KCNK10: variants seen among roughly 807,000 people sequenced by gnomAD.
KCNK10 encodes potassium channel subfamily K member 10.
In KCNK10, 25 loss-of-function variants were observed where a neutral mutation model predicts 47.7. That is an observed-to-expected ratio of 0.52 (90% confidence interval 0.38 to 0.73). The LOEUF (loss-of-function observed/expected upper bound fraction) is 0.73, where lower values mean the gene tolerates loss of function less well. KCNK10 is among the 30% of genes least tolerant of loss of function. The pLI, the probability that KCNK10 is intolerant of heterozygous loss-of-function variation, is 0.00. For synonymous variants in KCNK10, 303 were observed against 285.6 expected (o/e 1.06, Z -0.61); for missense variants, 563 against 714.5 (o/e 0.79, Z 2.42).
intron 1 of KCNK10, among the ~76,000 whole-genome samples, chr14:88,308,023 C>T (rs1888237238): frequency 6.6e-6 from 1 of 152,102 alleles, no homozygotes; most frequent in Non-Finnish European, 1.5e-5. Flanking sequence ...TAAGTTAGTG[C>T]CTAAGTTCGG....
At chr14:88,215,197 C>G (rs1885579529) in intron 4 of KCNK10, among the ~76,000 whole-genome samples, 1 of 152,174 alleles carries the variant, frequency 6.6e-6, no homozygotes, top group Admixed American at 6.5e-5. Context: ...CTCTATTAGT[C>G]CATTCTCACA....
At chr14:88,326,594 G>T, upstream of KCNK10, 1 of 674,256 alleles carries the variant, frequency 1.5e-6, no homozygotes, top group South Asian at 1.8e-5. Context: ...ACATCGTGGC[G>T]CAAAGTCTCC....
chr14:88,310,205 G>GATATACCATATCATATAGTATATC (rs1888292389), intron 1 of KCNK10, among the ~76,000 whole-genome samples: 1 of 42,340 alleles, frequency 2.4e-5, no homozygotes, highest in Non-Finnish European at 6.1e-5. Context: ...TATGGTATAT[G>GATATACCATATCATATAGTATATC]ATATACCATA....
intron 5 of KCNK10, among the ~76,000 whole-genome samples, chr14:88,190,632 T>C (rs1884713668): frequency 6.6e-6 from 1 of 152,008 alleles, no homozygotes; most frequent in East Asian, 1.9e-4. Flanking sequence ...AATTTTTAGT[T>C]AAAAGCTAAA....
chr14:88,196,961 A>G (rs774980179), intron 4 of KCNK10, among the ~76,000 whole-genome samples: 1 of 152,170 alleles, frequency 6.6e-6, no homozygotes, highest in Non-Finnish European at 1.5e-5. Flanking sequence ...GCTTTTAAAC[A>G]CTCTCTGCCT....
At chr14:88,277,690 A>C (rs1378638468) in intron 1 of KCNK10, among the ~76,000 whole-genome samples, 1 of 152,210 alleles carries the variant, frequency 6.6e-6, no homozygotes, top group Admixed American at 6.5e-5. Context: ...TCTTCCCAGT[A>C]ACACCTAGGT....
chr14:88,298,104 T>C (rs1456954226), intron 1 of KCNK10, among the ~76,000 whole-genome samples: 1 of 152,218 alleles, frequency 6.6e-6, no homozygotes, highest in Non-Finnish European at 1.5e-5. Context: ...GGCATGTAAG[T>C]ATCCCAAAAT....
chr14:88,200,114 C>G (rs1204634284), intron 4 of KCNK10, among the ~76,000 whole-genome samples: 1 of 140,536 alleles, frequency 7.1e-6, no homozygotes, highest in African/African-American at 2.7e-5. Flanking sequence ...TCTTTCTTTC[C>G]ATATTTATCT....
At chr14:88,301,342 T>C (rs1235940042) in intron 1 of KCNK10, among the ~76,000 whole-genome samples, 2 of 152,196 alleles carry the variant, frequency 1.3e-5, no homozygotes, top group Non-Finnish European at 2.9e-5. Context: ...TAAGTTCCCC[T>C]TCTTAAAACT....
intron 1 of KCNK10, among the ~76,000 whole-genome samples, chr14:88,285,655 A>G (rs1346143692): frequency 2.0e-5 from 3 of 152,192 alleles, no homozygotes; most frequent in African/African-American, 7.2e-5. Flanking sequence ...TTTTAATACA[A>G]CTTAGGTTAA....
At position 88,181,829 on chromosome 14, in the gene KCNK10, G is replaced by A. The variant is rs975875073; in HGVS notation, c.*3706C>T. The A allele has an allele frequency of 2.0e-5, 3 of 152,226 alleles. No individual in the cohort carries two copies. The highest frequency in any genetic ancestry group is 7.2e-5 in the African/African-American group (3 of 41,406). The allele number at this position is 152,226 out of a possible 1,614,324, so 9.4% of individuals were successfully genotyped here. On this transcript the variant is annotated 3_prime_UTR_variant, in exon 7 of 7. Coordinates refer to ENST00000319231, the MANE Select transcript of KCNK10 (RefSeq NM_138317.3). ...ATAAATTTTGTGAACTCATGGACTA[G>A]GGAGTGTTTCATTAGAGAACTGCAC...
intron 4 of KCNK10, among the ~76,000 whole-genome samples, chr14:88,208,806 A>G (rs1885364817): frequency 6.6e-6 from 1 of 152,206 alleles, no homozygotes; most frequent in African/African-American, 2.4e-5. Flanking sequence ...AATAGTTTAG[A>G]ATGAGAAGGG....
chr14:88,202,107 C>A (rs112729284), intron 4 of KCNK10, among the ~76,000 whole-genome samples: 4 of 152,258 alleles, frequency 2.6e-5, no homozygotes, highest in African/African-American at 9.6e-5. Context: ...AATCTAAAAG[C>A]AACAAAAGAA....
chr14:88,230,380 G>A (rs1286978544), intron 3 of KCNK10, among the ~76,000 whole-genome samples: 2 of 152,158 alleles, frequency 1.3e-5, no homozygotes, highest in South Asian at 2.1e-4. Flanking sequence ...TGTAATGAAC[G>A]CACAGCACCA....
At chr14:88,273,724 A>C (rs1211753505) in intron 1 of KCNK10, among the ~76,000 whole-genome samples, 1 of 152,172 alleles carries the variant, frequency 6.6e-6, no homozygotes, top group Non-Finnish European at 1.5e-5. Context: ...TCCATGATCA[A>C]GGCCCTAAAG....
intron 1 of KCNK10, among the ~76,000 whole-genome samples, chr14:88,279,844 G>A (rs1348799173): frequency 6.6e-6 from 1 of 152,058 alleles, no homozygotes; most frequent in African/African-American, 2.4e-5. Context: ...GAATCATGGG[G>A]GCCAGTCTTT....
intron 2 of KCNK10, among the ~76,000 whole-genome samples, chr14:88,248,141 C>T (rs553693032): frequency 6.6e-6 from 1 of 152,282 alleles, no homozygotes; most frequent in South Asian, 2.1e-4. Flanking sequence ...ATGCCTTGCT[C>T]TCTCTGCACT....
At chr14:88,307,621 T>C (rs563617184) in intron 1 of KCNK10, among the ~76,000 whole-genome samples, 1 of 152,332 alleles carries the variant, frequency 6.6e-6, no homozygotes, top group African/African-American at 2.4e-5. Flanking sequence ...AAATTATATC[T>C]TAATAAAGCT....
At chr14:88,314,431 A>G (rs893878833) in intron 1 of KCNK10, among the ~76,000 whole-genome samples, 3 of 152,168 alleles carry the variant, frequency 2.0e-5, no homozygotes, top group Non-Finnish European at 4.4e-5. Context: ...TCTGTTGTCT[A>G]TAATCTATCT....
Sources: gnomAD v4.1 joint callset for allele counts (sites outside exome capture counted in the v4.1 genomes callset) on GRCh38, gnomAD v4.1.1 for gene constraint, MANE v1.5 for transcripts, NCBI Gene and HGNC (gene_info 2026-07-23, HGNC 2026-07-21) for gene names.